Variants in RNF20 observed in about 807,000 individuals in gnomAD.
RNF20 encodes the protein ring finger protein 20.
In RNF20, 84 loss-of-function variants were observed where a neutral mutation model predicts 126.2. The ratio of observed to expected loss-of-function variants is 0.67; its 90% CI spans 0.56 to 0.80. RNF20 has a LOEUF of 0.80. Among genes scored for constraint, RNF20 ranks in the 30% least tolerant of loss-of-function variants. RNF20 has a pLI of 0.00. For synonymous variants in RNF20, 400 were observed against 414.3 expected, an observed-to-expected ratio of 0.97 and a Z score of 0.42; for missense variants, 869 against 1,188.2, an observed-to-expected ratio of 0.73 and a Z score of 3.95.
Position 101,544,844 on chromosome 9 carries a change from A to C in RNF20, c.706A>C (p.Thr236Pro), listed in dbSNP as rs1274373500. The C allele has an allele frequency of 1.4e-5, 22 of 1,613,900 alleles. No homozygotes were observed. Among genetic ancestry groups the C allele is most frequent in the Non-Finnish European group, 1.5e-5 (18 of 1,179,752 alleles). The change falls in exon 6 of 20, where the codon ACA (threonine) becomes CCA (proline). Residue 236 changes from threonine to proline, a missense_variant. Thr to Pro is a conservative substitution (Grantham distance 38). Transcript: ENST00000389120. Reference protein sequence around the residue: ...AQENMRLQELTDLLQEKHRTM... With the variant: ...AQENMRLQELPDLLQEKHRTM... ...GGAGAATATGAGGCTACAGGAATTG[A>C]CAGATCTTCTTCAGGAAAAGCATCG...
intron 2 of RNF20, among the ~76,000 whole-genome samples, chr9:101,537,752 G>C (rs1471817452): frequency 6.6e-6 from 1 of 152,208 alleles, no homozygotes; most frequent in Non-Finnish European, 1.5e-5. Context: ...AGCTGATTAG[G>C]TGCTGCTGAT....
Position 101,552,515 on chromosome 9 carries a change from G to A in RNF20, c.1663G>A (p.Glu555Lys), listed in dbSNP as rs752418979. Residue 555 changes from glutamate (E) to lysine (K), a missense_variant, in exon 13 of 20, where the codon GAG becomes AAG. Physicochemically the swap from Glu to Lys is moderately conservative, Grantham distance 56. Coordinates refer to ENST00000389120, the MANE Select transcript of RNF20 (RefSeq NM_019592.7). ...GTCCTCAGCTTCAAAGGCATCTCAGGAGGATGCCAATGAAATCAAGTCTAA... is the reference window on the plus strand; with the variant it reads ...GTCCTCAGCTTCAAAGGCATCTCAGAAGGATGCCAATGAAATCAAGTCTAA... ...SQSSASKASQ[E>K]DANEIKSKRD... 2 of 1,613,958 alleles carry A rather than the reference G, an allele frequency of 1.2e-6. No individual in the cohort carries two copies. Among genetic ancestry groups the A allele is most frequent in the African/African-American group, 2.7e-5 (2 of 74,912 alleles).
intron 6 of RNF20, 58 bp from the exon 7 acceptor site, chr9:101,546,762 T>C: frequency 6.3e-7 from 1 of 1,580,286 alleles, no homozygotes; most frequent in Non-Finnish European, 8.7e-7. Flanking sequence ...AGGGTTAATA[T>C]TATGGAATTT....
intron 16 of RNF20, among the ~76,000 whole-genome samples, chr9:101,558,054 G>A (rs1827565529): frequency 6.7e-6 from 1 of 150,332 alleles, no homozygotes; most frequent in Admixed American, 6.6e-5. Flanking sequence ...GGAACATGTG[G>A]TGTTTGGTTA....
intron 13 of RNF20, 100 bp downstream of exon 13, chr9:101,552,853 T>A: frequency 8.3e-7 from 1 of 1,198,226 alleles, no homozygotes; most frequent in Non-Finnish European, 1.2e-6. Flanking sequence ...CTGATCGTTT[T>A]AATGTTTTAG....
At chr9:101,550,934 A>T in intron 10 of RNF20, 149 bp downstream of exon 10, 1 of 740,398 alleles carries the variant, frequency 1.4e-6, no homozygotes, top group Non-Finnish European at 2.3e-6. Context: ...TACTGGGCAT[A>T]TAAAGATGAG....
chr9:101,551,695 T>C lies in RNF20; in HGVS notation c.1284T>C (p.Val428=). ...HQVELIERDE[V]SLHKKLRTEV... ...TTATCTGTGTGTAGCGAGATGAGGTTAGTCTTCATAAGAAGCTGAGGACTG... is the reference window on the plus strand; with the variant it reads ...TTATCTGTGTGTAGCGAGATGAGGTCAGTCTTCATAAGAAGCTGAGGACTG... The change falls in exon 11 of 20, where the codon GTT becomes GTC. Residue 428 remains valine (V), a synonymous_variant. Transcript: ENST00000389120. 6.2e-7 allele frequency: 1 copy of C among 1,607,404 alleles called. No homozygotes were observed. Among genetic ancestry groups the C allele is most frequent in the East Asian group, 2.2e-5 (1 of 44,840 alleles).
rs769539886 is a variant in RNF20 at position 101,560,791 on chromosome 9, C to T, written c.2383-10C>T. ...TTCATTTGTGTTAAAATCTGATTTT[C>T]TGTTCAAAGGTTGATGCCCAGCTAC... is the stretch of plus-strand genomic sequence containing the variant. On this transcript the variant is annotated splice_polypyrimidine_tract_variant and intron_variant, in intron 16 of 19. Coordinates refer to ENST00000389120, the MANE Select transcript of RNF20 (RefSeq NM_019592.7). 5.1e-5 allele frequency: 81 copies of T among 1,583,384 alleles called. No individual in the cohort carries two copies. Among genetic ancestry groups the T allele is most frequent in the Non-Finnish European group, 6.7e-5 (78 of 1,170,576 alleles).
rs1276843824 is a variant in RNF20 at position 101,557,108 on chromosome 9, G to A, written c.2170-276G>A. Among the ~76,000 whole-genome samples the A allele has an allele frequency of 2.6e-5, 4 of 152,198 alleles. No homozygotes were observed. In the East Asian group the frequency reaches 7.7e-4, roughly 29 times the overall value. ...ATGGAAGTACTCTTAACCAATTGCT[G>A]CTTGATCCGTTTGTCTAGATTAAGG... On this transcript the variant is annotated intron_variant, in intron 15 of 19. Coordinates refer to ENST00000389120, the MANE Select transcript of RNF20 (RefSeq NM_019592.7).
intron 15 of RNF20, among the ~76,000 whole-genome samples, 159 bp from the exon 16 acceptor site, chr9:101,557,225 T>C (rs1021704810): frequency 1.3e-5 from 2 of 152,224 alleles, no homozygotes; most frequent in African/African-American, 4.8e-5. Flanking sequence ...CTTCAGATAA[T>C]AGAGCTTCTG....
chr9:101,551,775 T>C lies in RNF20; in HGVS notation c.1364T>C (p.Leu455Pro), dbSNP rs1489612408. 6.2e-7 allele frequency: 1 copy of C among 1,613,522 alleles called. No homozygotes were observed. The highest frequency in any genetic ancestry group is 8.5e-7 in the Non-Finnish European group (1 of 1,179,832). ...LAQVRKEYEM[L>P]RIEFEQTLAA... is the part of the protein sequence containing the mutation. The stretch of plus-strand genomic sequence containing the variant: ...CAGGTCCGCAAGGAGTATGAAATGC[T>C]GAGGATAGAATTTGAGCAGACCCTT... Residue 455 changes from leucine to proline, a missense_variant, in exon 11 of 20, where the codon CTG (leucine) becomes CCG (proline). Leu to Pro is a moderately conservative substitution (Grantham distance 98, BLOSUM62 -3). Transcript: ENST00000389120.
At chr9:101,544,732 A>T in intron 5 of RNF20, 35 bp from the exon 6 acceptor site, 2 of 1,370,908 alleles carry the variant, frequency 1.5e-6, no homozygotes, top group Non-Finnish European at 2.1e-6. Flanking sequence ...ATGACACTCT[A>T]GATGCTAAAT....
chr9:101,552,737 T>G lies in RNF20; in HGVS notation c.1885T>G (p.Leu629Val). 1 of 1,607,076 alleles carries G rather than the reference T, an allele frequency of 6.2e-7. No individual in the cohort carries two copies. The highest frequency in any genetic ancestry group is 8.5e-7 in the Non-Finnish European group (1 of 1,175,990). The change falls in exon 13 of 20, where the codon TTG becomes GTG. Residue 629 changes from leucine to valine, a missense_variant. Coordinates refer to ENST00000389120, the MANE Select transcript of RNF20 (RefSeq NM_019592.7). ...RKKEAEIIKQ[L>V]KIELKKAQES... is the part of the protein sequence containing the mutation. ...AAAGGAAGCAGAAATTATCAAACAA[T>G]TGAAGATTGAACTCAAGTAAGAACC...
At chr9:101,550,870 C>T in intron 10 of RNF20, 85 bp downstream of exon 10, 1 of 1,168,956 alleles carries the variant, frequency 8.6e-7, no homozygotes, top group Non-Finnish European at 1.3e-6. Context: ...CAATTAATCT[C>T]TCATTCATTC....
chr9:101,542,471 T>C lies in RNF20; in HGVS notation c.628+1496T>C, dbSNP rs958675163. Among the ~76,000 whole-genome samples the C allele has an allele frequency of 8.5e-5, 13 of 152,226 alleles. No individual in the cohort carries two copies. The East Asian group carries it at 2.1e-3, about 25-fold the overall frequency. On this transcript the variant is annotated intron_variant, in intron 5 of 19. Transcript: ENST00000389120. ...CTGTGTCTTGGTTCAGTAGTTTGGCTCACTCTTCTTTGTTTCTCTAGTTTC... is the reference window on the plus strand; with the variant it reads ...CTGTGTCTTGGTTCAGTAGTTTGGCCCACTCTTCTTTGTTTCTCTAGTTTC...
intron 14 of RNF20, 150 bp from the exon 15 acceptor site, chr9:101,554,544 A>G: frequency 5.6e-6 from 3 of 537,878 alleles, no homozygotes; most frequent in Non-Finnish European, 9.5e-6. Context: ...AGATGGTGTT[A>G]TGTAATGTTT....
chr9:101,557,261 C>T, intron 15 of RNF20, 123 bp from the exon 16 acceptor site: 1 of 703,870 alleles, frequency 1.4e-6, no homozygotes, highest in South Asian at 1.9e-5. Context: ...AACACAACTT[C>T]TTAAAACTCT....
At chr9:101,534,454 A>C (rs1827151871) in intron 1 of RNF20, among the ~76,000 whole-genome samples, 1 of 152,236 alleles carries the variant, frequency 6.6e-6, no homozygotes, top group South Asian at 2.1e-4. Context: ...TGCATAAAAC[A>C]GTGGAGAGAG....
At chr9:101,534,866 C>A (rs551571264) in intron 1 of RNF20, among the ~76,000 whole-genome samples, 1 of 151,966 alleles carries the variant, frequency 6.6e-6, no homozygotes, top group East Asian at 1.9e-4. Context: ...TTATCACCAT[C>A]CTATTTAGAA....
Sources: gnomAD v4.1 joint callset for allele counts (sites outside exome capture counted in the v4.1 genomes callset) on GRCh38, gnomAD v4.1.1 for gene constraint, MANE v1.5 for transcripts, NCBI Gene and HGNC (gene_info 2026-07-23, HGNC 2026-07-21) for gene names.